TET1: variants seen among roughly 807,000 people sequenced by gnomAD.
The protein encoded by TET1 is tet methylcytosine dioxygenase 1.
TET1 carries 13 observed loss-of-function variants against 148.7 expected under a neutral mutation model. The observed-to-expected ratio is 0.09, with a 90% CI of 0.06 to 0.14. TET1 has a LOEUF of 0.14. Among genes scored for constraint, TET1 ranks in the 10% least tolerant of loss-of-function variants. The pLI is 1.00. For missense variants in TET1, 2,182 were observed against 2,553.8 expected (o/e 0.85, Z 3.14); for synonymous variants, 907 against 937.2 (o/e 0.97, Z 0.59).
At chr10:68,687,550 T>C (rs2055531967) in intron 11 of TET1, among the ~76,000 whole-genome samples, 1 of 152,090 alleles carries the variant, frequency 6.6e-6, no homozygotes, top group East Asian at 1.9e-4. Context: ...GTATTGTGGG[T>C]TGTCGTTGTT....
intron 3 of TET1, among the ~76,000 whole-genome samples, chr10:68,623,186 T>C (rs2054401342): frequency 6.6e-6 from 1 of 152,220 alleles, no homozygotes; most frequent in South Asian, 2.1e-4. Context: ...AATGTGGTGT[T>C]TGCCAAATGG....
intron 3 of TET1, among the ~76,000 whole-genome samples, chr10:68,628,574 A>G (rs1036746738): frequency 2.0e-5 from 3 of 152,230 alleles, no homozygotes; most frequent in Non-Finnish European, 4.4e-5. Flanking sequence ...TGGATTTGAT[A>G]GAGAGCTGTG....
intron 3 of TET1, chr10:68,632,226 G>T: frequency 6.0e-6 from 4 of 666,348 alleles, no homozygotes. Context: ...GGAGGCTGAG[G>T]CAGGAGAATG....
chr10:68,566,022 G>A (rs1191220922), intron 1 of TET1, among the ~76,000 whole-genome samples: 2 of 152,074 alleles, frequency 1.3e-5, no homozygotes, highest in African/African-American at 2.4e-5. Flanking sequence ...AGGAGATAGG[G>A]TTTGAATGAT....
chr10:68,669,643 C>CA (rs2055246069), intron 7 of TET1, among the ~76,000 whole-genome samples: 1 of 151,376 alleles, frequency 6.6e-6, no homozygotes, highest in Non-Finnish European at 1.5e-5. Context: ...CGTGAGCCAC[C>CA]ACGTCCAGCC....
chr10:68,614,587 C>T (rs1395416036), intron 3 of TET1, among the ~76,000 whole-genome samples: 1 of 152,170 alleles, frequency 6.6e-6, no homozygotes, highest in East Asian at 1.9e-4. Flanking sequence ...TCTCAGCTCA[C>T]TGCAACCTAA....
intron 11 of TET1, among the ~76,000 whole-genome samples, chr10:68,687,603 G>A (rs2055532832): frequency 6.6e-6 from 1 of 152,078 alleles, no homozygotes; most frequent in South Asian, 2.1e-4. Flanking sequence ...TGTTTGTGGA[G>A]ACAAGATCTA....
chr10:68,639,820 A>G (rs1238520792), intron 3 of TET1, among the ~76,000 whole-genome samples: 2 of 152,206 alleles, frequency 1.3e-5, no homozygotes, highest in African/African-American at 4.8e-5. Context: ...AGAGAAATAC[A>G]TACACTGAAA....
At chr10:68,626,917 A>G (rs1381354915) in intron 3 of TET1, among the ~76,000 whole-genome samples, 1 of 152,144 alleles carries the variant, frequency 6.6e-6, no homozygotes. Context: ...TTTAAACTTT[A>G]GGTTGTGAAA....
At chr10:68,602,826 T>A (rs1190723457) in intron 3 of TET1, among the ~76,000 whole-genome samples, 1 of 152,244 alleles carries the variant, frequency 6.6e-6, no homozygotes, top group Non-Finnish European at 1.5e-5. Context: ...AAAAAATTTC[T>A]GATGTTGGCA....
intron 2 of TET1, among the ~76,000 whole-genome samples, chr10:68,599,492 C>A (rs1336189933): frequency 6.6e-6 from 1 of 152,230 alleles, no homozygotes; most frequent in Non-Finnish European, 1.5e-5. Context: ...GGCACGGCTC[C>A]CGGTCCAGTC....
rs2054822459 is a variant in TET1 at position 68,645,234 on chromosome 10, T to C, written c.2505T>C (p.Ile835=). 1 of 1,614,064 alleles carries C rather than the reference T, an allele frequency of 6.2e-7. No homozygotes were observed. The highest frequency in any genetic ancestry group is 2.2e-5 in the East Asian group (1 of 44,876). Residue 835 remains isoleucine, a synonymous_variant, in exon 4 of 12, where the codon ATT becomes ATC. Coordinates refer to ENST00000373644, the MANE Select transcript of TET1 (RefSeq NM_030625.3). ...AGCCTGGCTTTAACTGCAGTTCCAT[T>C]CCACATTCTTCACACTCCATCATAA... ...FQQPGFNCSS[I]PHSSHSIINH... is the part of the protein sequence containing the mutation.
At chr10:68,656,403 C>T (rs1055664837) in intron 6 of TET1, among the ~76,000 whole-genome samples, 3 of 152,088 alleles carry the variant, frequency 2.0e-5, no homozygotes, top group Non-Finnish European at 4.4e-5. Flanking sequence ...GCTGGGACTA[C>T]AGGCGCCTGC....
Position 68,645,021 on chromosome 10 carries a change from C to T in TET1, c.2292C>T (p.His764=). ...QTVRNGIKHV[H]CLPAETNVSF... ...TAAGAAATGGCATTAAACATGTACA[C>T]TGTTTACCAGCTGAAACAAATGTTT... The change falls in exon 4 of 12, where the codon CAC becomes CAT. Residue 764 remains histidine (H), a synonymous_variant. Transcript: ENST00000373644. 1.2e-6 allele frequency: 2 copies of T among 1,613,370 alleles called. No homozygotes were observed. Among genetic ancestry groups the T allele is most frequent in the Non-Finnish European group, 1.7e-6 (2 of 1,179,610 alleles).
rs549391598 is a variant in TET1, at chr10:68,694,371, A to C, written c.*2557A>C. On this transcript the variant is annotated 3_prime_UTR_variant, in exon 12 of 12. Transcript: ENST00000373644. ...TCTCTGCCCTGTGATTTTTTTTAAAAGCTTATTCAATGTTCTGCAGCATTG... is the reference window on the plus strand; with the variant it reads ...TCTCTGCCCTGTGATTTTTTTTAAACGCTTATTCAATGTTCTGCAGCATTG... The C allele has an allele frequency of 1.9e-3, 452 of 232,590 alleles. 2 individuals are homozygous for C. The highest frequency in any genetic ancestry group is 8.9e-3 in the African/African-American group (406 of 45,414). 14.4% of individuals were successfully genotyped at this position (232,590 alleles called of 1,614,324 possible).
chr10:68,624,615 T>C (rs895421259), intron 3 of TET1, among the ~76,000 whole-genome samples: 1 of 28,106 alleles, frequency 3.6e-5, no homozygotes, highest in African/African-American at 2.1e-4. Context: ...TTTCTTTCTT[T>C]CTTTCTTTCT....
At chr10:68,566,771 A>G (rs2053611751) in intron 1 of TET1, among the ~76,000 whole-genome samples, 1 of 151,486 alleles carries the variant, frequency 6.6e-6, no homozygotes, top group Admixed American at 6.6e-5. Flanking sequence ...GCAAACTCTG[A>G]GTTAAACTGG....
chr10:68,584,901 A>G (rs2053844071), intron 2 of TET1, among the ~76,000 whole-genome samples: 1 of 148,852 alleles, frequency 6.7e-6, no homozygotes, highest in African/African-American at 2.5e-5. Flanking sequence ...GCTCACTGCA[A>G]CCTCCGTCTC....
chr10:68,631,433 C>CTTTTTTTTTTTTTTT (rs546257824), intron 3 of TET1, among the ~76,000 whole-genome samples: 13 of 110,574 alleles, frequency 1.2e-4, no homozygotes, highest in South Asian at 3.2e-4. Flanking sequence ...TTTCTTTCTT[C>CTTTTTTTTTTTTTTT]TTTTTTTTTT....
Sources: allele counts gnomAD v4.1 joint callset (sites outside exome capture counted in the v4.1 genomes callset), GRCh38; gene constraint gnomAD v4.1.1; transcripts MANE v1.5; gene names NCBI Gene and HGNC (gene_info 2026-07-23, HGNC 2026-07-21).